GNAQ: variants seen among roughly 807,000 people sequenced by gnomAD.
GNAQ encodes the protein guanine nucleotide-binding protein G(q) subunit alpha.
In GNAQ, 8 loss-of-function variants were observed where a neutral mutation model predicts 43.9. That is an observed-to-expected ratio of 0.18 (90% CI 0.11 to 0.33). The LOEUF is 0.33. Ranked by LOEUF, GNAQ falls within the 10% of genes least tolerant of loss-of-function variation. The pLI is 1.00. For synonymous variants in GNAQ, 155 were observed against 170.7 expected (o/e 0.91, Z 0.71); for missense variants, 158 against 450.8 (o/e 0.35, Z 5.88).
At chr9:77,753,775 T>C (rs1393940731) in intron 5 of GNAQ, among the ~76,000 whole-genome samples, 1 of 152,226 alleles carries the variant, frequency 6.6e-6, no homozygotes, top group Non-Finnish European at 1.5e-5. Context: ...AAGCCCATTA[T>C]TGTACAATAT....
At chr9:77,887,440 C>G (rs1276258426) in intron 2 of GNAQ, among the ~76,000 whole-genome samples, 1 of 152,192 alleles carries the variant, frequency 6.6e-6, no homozygotes, top group Non-Finnish European at 1.5e-5. Context: ...GTTTTTAGGG[C>G]CAAGCCCCAG....
At chr9:77,759,973 T>C (rs1439145508) in intron 5 of GNAQ, among the ~76,000 whole-genome samples, 1 of 149,606 alleles carries the variant, frequency 6.7e-6, no homozygotes, top group East Asian at 1.9e-4. Flanking sequence ...TTGCCCAGGC[T>C]GGTCTCAAAC....
At chr9:77,932,846 T>A (rs1829171922) in intron 1 of GNAQ, among the ~76,000 whole-genome samples, 2 of 152,012 alleles carry the variant, frequency 1.3e-5, no homozygotes, top group South Asian at 4.1e-4. Context: ...TAAGAACAAA[T>A]TAGTAGGGTA....
chr9:77,938,560 C>A (rs1457434672), intron 1 of GNAQ, among the ~76,000 whole-genome samples: 1 of 152,116 alleles, frequency 6.6e-6, no homozygotes, highest in African/African-American at 2.4e-5. Flanking sequence ...TGAAAATGGG[C>A]AAGAAGGAAG....
intron 1 of GNAQ, among the ~76,000 whole-genome samples, chr9:78,009,185 A>G (rs908348836): frequency 2.0e-5 from 3 of 152,120 alleles, no homozygotes; most frequent in African/African-American, 4.8e-5. Context: ...AAAAGAAAAT[A>G]CTCCTTCTCT....
chr9:77,977,711 T>C (rs1823321966), intron 1 of GNAQ, among the ~76,000 whole-genome samples: 1 of 152,144 alleles, frequency 6.6e-6, no homozygotes, highest in African/African-American at 2.4e-5. Context: ...AGCAGCCCCT[T>C]ATAGGAGGAA....
chr9:77,894,385 G>GA (rs369557888), intron 2 of GNAQ, among the ~76,000 whole-genome samples: 17 of 1,758 alleles, frequency 9.7e-3, no homozygotes, highest in African/African-American at 0.015. Flanking sequence ...ATATTTAATA[G>GA]AAAAAAAATA....
At chr9:77,838,749 C>T (rs895618422) in intron 2 of GNAQ, among the ~76,000 whole-genome samples, 1 of 152,024 alleles carries the variant, frequency 6.6e-6, no homozygotes, top group Non-Finnish European at 1.5e-5. Context: ...CTTGCTGCAG[C>T]ATTTTCTGAT....
intron 2 of GNAQ, among the ~76,000 whole-genome samples, chr9:77,881,643 C>T (rs1057021423): frequency 6.6e-6 from 1 of 152,120 alleles, no homozygotes; most frequent in African/African-American, 2.4e-5. Flanking sequence ...CTTGGCCTCC[C>T]GAAGCACTGG....
At chr9:77,853,614 T>C (rs1827704777) in intron 2 of GNAQ, among the ~76,000 whole-genome samples, 1 of 151,952 alleles carries the variant, frequency 6.6e-6, no homozygotes. Context: ...TGTGTCAAAC[T>C]CTGGGAAATC....
chr9:78,010,968 C>T (rs547384378), intron 1 of GNAQ, among the ~76,000 whole-genome samples: 1 of 152,228 alleles, frequency 6.6e-6, no homozygotes, highest in South Asian at 2.1e-4. Context: ...TCTGTTTTCC[C>T]CTCTGACTTG....
intron 1 of GNAQ, among the ~76,000 whole-genome samples, chr9:77,980,967 T>C (rs1362970337): frequency 6.6e-6 from 1 of 152,196 alleles, no homozygotes; most frequent in East Asian, 1.9e-4. Context: ...CCATGCTATA[T>C]CAGTGATTTA....
At chr9:77,943,618 T>C (rs1829344686) in intron 1 of GNAQ, among the ~76,000 whole-genome samples, 1 of 149,986 alleles carries the variant, frequency 6.7e-6, no homozygotes, top group Admixed American at 6.6e-5. Flanking sequence ...ACTACACAAA[T>C]TGGAAAAAAA....
chr9:78,025,390 T>TAAAC (rs1203035654), intron 1 of GNAQ, among the ~76,000 whole-genome samples: 1 of 152,158 alleles, frequency 6.6e-6, no homozygotes, highest in Admixed American at 6.5e-5. Flanking sequence ...AGAACAAGAG[T>TAAAC]AAACGTTCAC....
chr9:78,007,504 G>T (rs1469173885), intron 1 of GNAQ, among the ~76,000 whole-genome samples: 2 of 151,578 alleles, frequency 1.3e-5, no homozygotes, highest in African/African-American at 2.4e-5. Flanking sequence ...AAATTTATAT[G>T]CAAGAACATA....
intron 2 of GNAQ, among the ~76,000 whole-genome samples, chr9:77,898,383 C>A (rs1045328985): frequency 6.6e-6 from 1 of 152,176 alleles, no homozygotes; most frequent in Non-Finnish European, 1.5e-5. Flanking sequence ...GGGAGCCATT[C>A]TGTCCCTCCC....
intron 5 of GNAQ, among the ~76,000 whole-genome samples, chr9:77,781,755 G>GA (rs1826396871): frequency 6.6e-6 from 1 of 151,868 alleles, no homozygotes; most frequent in African/African-American, 2.4e-5. Flanking sequence ...AATAGGCTAA[G>GA]AAAAAAATCA....
intron 2 of GNAQ, among the ~76,000 whole-genome samples, chr9:77,829,239 A>C (rs1564123322): frequency 1.3e-5 from 2 of 152,240 alleles, no homozygotes; most frequent in Non-Finnish European, 2.9e-5. Context: ...TTTTATTCTT[A>C]CATGAAAGCT....
intron 3 of GNAQ, among the ~76,000 whole-genome samples, chr9:77,808,253 A>G (rs1826858795): frequency 6.6e-6 from 1 of 151,956 alleles, no homozygotes; most frequent in East Asian, 1.9e-4. Flanking sequence ...AGAGTTAAGC[A>G]TACCTAAGCC....
Sources: allele counts gnomAD v4.1 joint callset (sites outside exome capture counted in the v4.1 genomes callset), GRCh38; gene constraint gnomAD v4.1.1; transcripts MANE v1.5; gene names NCBI Gene and HGNC (gene_info 2026-07-23, HGNC 2026-07-21).